Variants in OSBPL6 observed in about 807,000 individuals in gnomAD.
The protein encoded by OSBPL6 is oxysterol binding protein like 6, also known as oxysterol-binding protein-related protein 6.
Under a neutral mutation model 125.8 loss-of-function variants are expected in OSBPL6, and 49 were observed. The observed-to-expected ratio is 0.39, with a 90% confidence interval of 0.31 to 0.49. The LOEUF (loss-of-function observed/expected upper bound fraction) is 0.49. Ranked by LOEUF, OSBPL6 falls within the 20% of genes least tolerant of loss-of-function variation. The pLI, the probability that OSBPL6 is intolerant of heterozygous loss-of-function variation, is 0.88. For synonymous variants in OSBPL6, 394 were observed against 391.8 expected, an observed-to-expected ratio of 1.01 and a Z score of -0.07; for missense variants, 986 against 1,135.4, an observed-to-expected ratio of 0.87 and a Z score of 1.89.
At position 178,395,451 on chromosome 2, in the gene OSBPL6, A is replaced by C; in HGVS notation, c.2697A>C (p.Lys899Asn). ...AATGTTGATGTTTATATTTTCACAG[A>C]AAAGTTATTGATGCCAATCAAAGAG... ...NNLEHIPKFF[K>N]KVIDANQREA... Residue 899 changes from lysine (K) to asparagine (N), a missense_variant and splice_region_variant, in exon 25 of 25, where the codon AAA becomes AAC. Lys to Asn is a moderately conservative substitution (Grantham distance 94). Coordinates refer to ENST00000190611, the MANE Select transcript of OSBPL6 (RefSeq NM_032523.4). 1 of 1,610,624 alleles carries C rather than the reference A, an allele frequency of 6.2e-7. No individual in the cohort carries two copies. The highest frequency in any genetic ancestry group is 8.5e-7 in the Non-Finnish European group (1 of 1,177,384).
At chr2:178,235,737 A>G (rs1399093683) in intron 1 of OSBPL6, among the ~76,000 whole-genome samples, 1 of 152,206 alleles carries the variant, frequency 6.6e-6, no homozygotes, top group Non-Finnish European at 1.5e-5. Flanking sequence ...AAAAAGATGC[A>G]CAGTGCTTGA....
At chr2:178,212,304 G>A (rs2089898361) in intron 1 of OSBPL6, among the ~76,000 whole-genome samples, 1 of 152,182 alleles carries the variant, frequency 6.6e-6, no homozygotes, top group Non-Finnish European at 1.5e-5. Flanking sequence ...AGTTCTTTTA[G>A]TCACTGAGCC....
chr2:178,199,118 A>G (rs1216132182), intron 1 of OSBPL6, among the ~76,000 whole-genome samples: 2 of 152,246 alleles, frequency 1.3e-5, no homozygotes, highest in Non-Finnish European at 2.9e-5. Flanking sequence ...TGTTCAGTGC[A>G]TAAATACTAT....
At chr2:178,274,972 A>G (rs533304165) in intron 1 of OSBPL6, among the ~76,000 whole-genome samples, 3 of 151,846 alleles carry the variant, frequency 2.0e-5, no homozygotes, top group Non-Finnish European at 4.4e-5. Flanking sequence ...TCTGAAGCGC[A>G]CTCCTAGGTC....
At chr2:178,238,428 A>C (rs1257926993) in intron 1 of OSBPL6, among the ~76,000 whole-genome samples, 1 of 152,170 alleles carries the variant, frequency 6.6e-6, no homozygotes, top group Non-Finnish European at 1.5e-5. Flanking sequence ...TAATGGCCCC[A>C]AAGTGCAAGA....
intron 1 of OSBPL6, among the ~76,000 whole-genome samples, chr2:178,224,635 G>A: frequency 6.6e-6 from 1 of 152,190 alleles, no homozygotes; most frequent in East Asian, 1.9e-4. Context: ...AGAAACTAGT[G>A]TAGTTAAAGT....
At chr2:178,278,991 A>G (rs2092524528) in intron 1 of OSBPL6, among the ~76,000 whole-genome samples, 1 of 152,228 alleles carries the variant, frequency 6.6e-6, no homozygotes, top group Admixed American at 6.5e-5. Context: ...GAGCATTGAA[A>G]TAAAACCATG....
intron 1 of OSBPL6, among the ~76,000 whole-genome samples, chr2:178,224,961 CTCTG>C (rs1333793019): frequency 6.0e-5 from 9 of 151,236 alleles, no homozygotes; most frequent in African/African-American, 2.2e-4. Flanking sequence ...CTCTCTGTGT[CTCTG>C]TCTCTCTCTT....
intron 1 of OSBPL6, among the ~76,000 whole-genome samples, chr2:178,201,389 T>G (rs1165849339): frequency 6.6e-6 from 1 of 152,170 alleles, no homozygotes; most frequent in Non-Finnish European, 1.5e-5. Flanking sequence ...ATTTATTTAT[T>G]TATTTATTTG....
chr2:178,308,843 G>T (rs1482932613), intron 3 of OSBPL6, among the ~76,000 whole-genome samples: 1 of 151,904 alleles, frequency 6.6e-6, no homozygotes, highest in African/African-American at 2.4e-5. Flanking sequence ...CTCTACCCAG[G>T]ATCCTGCAGA....
At chr2:178,256,069 G>C (rs75575608) in intron 1 of OSBPL6, among the ~76,000 whole-genome samples, 95 of 152,270 alleles carry the variant, frequency 6.2e-4, no homozygotes, top group Non-Finnish European at 1.1e-3. Flanking sequence ...TGACTTAGTG[G>C]ACCACATGGA....
intron 1 of OSBPL6, among the ~76,000 whole-genome samples, chr2:178,198,930 A>C (rs2089075924): frequency 6.6e-6 from 1 of 152,246 alleles, no homozygotes; most frequent in Non-Finnish European, 1.5e-5. Flanking sequence ...AGTATTAAGC[A>C]TTCAAATAGA....
chr2:178,344,649 C>T (rs1213806424), intron 11 of OSBPL6, among the ~76,000 whole-genome samples: 7 of 142,824 alleles, frequency 4.9e-5, no homozygotes, highest in Non-Finnish European at 7.7e-5. Context: ...ATGATGTGAG[C>T]TTTCCTTAAA....
chr2:178,227,239 C>T (rs1469832139), intron 1 of OSBPL6, among the ~76,000 whole-genome samples: 1 of 152,150 alleles, frequency 6.6e-6, no homozygotes, highest in African/African-American at 2.4e-5. Flanking sequence ...GAGGGAAATG[C>T]AAGTCACTGC....
chr2:178,334,774 G>A (rs1486531627), intron 8 of OSBPL6, among the ~76,000 whole-genome samples: 1 of 152,072 alleles, frequency 6.6e-6, no homozygotes, highest in Admixed American at 6.6e-5. Context: ...TGCCCACCTC[G>A]GCCTCCCAAA....
At position 178,379,407 on chromosome 2, in the gene OSBPL6, G is replaced by GAAAGAAAGAGAAAGA. The variant is rs1421193863; in HGVS notation, c.1534-2996_1534-2982dup. On this transcript the variant is annotated intron_variant, in intron 15 of 24. Coordinates refer to ENST00000190611, the MANE Select transcript of OSBPL6 (RefSeq NM_032523.4). Reference sequence around the variant, plus strand: ...AGGAGAAAGGAGGCAGGGAGGGAGGGAAAGAAAGAGAAAGAAAAGAAAGAG... The same window carrying GAAAGAAAGAGAAAGA: ...AGGAGAAAGGAGGCAGGGAGGGAGGGAAAGAAAGAGAAAGAAAAGAAAGAGAAAGAAAAGAAAGAG... 1.7e-4 allele frequency among the ~76,000 whole-genome samples: 24 copies of GAAAGAAAGAGAAAGA among 139,322 alleles called. 1 individual carries two copies. In the South Asian group the frequency reaches 3.8e-3, roughly 22 times the overall value. The allele number at this position is 139,322 out of a possible 152,430, so 91.4% of individuals were successfully genotyped here.
chr2:178,354,300 TAA>T (rs1161262092), intron 12 of OSBPL6, among the ~76,000 whole-genome samples: 3 of 152,084 alleles, frequency 2.0e-5, no homozygotes, highest in Admixed American at 2.0e-4. Flanking sequence ...GCAAATTGGA[TAA>T]AGAGTCAAGA....
intron 8 of OSBPL6, among the ~76,000 whole-genome samples, chr2:178,333,348 A>AGG (rs1689398267): frequency 1.3e-5 from 2 of 152,158 alleles, no homozygotes; most frequent in South Asian, 4.1e-4. Context: ...TTGTGCCACT[A>AGG]CTGAATAGCC....
intron 8 of OSBPL6, among the ~76,000 whole-genome samples, chr2:178,336,082 C>G (rs1435433476): frequency 6.6e-6 from 1 of 152,196 alleles, no homozygotes; most frequent in Non-Finnish European, 1.5e-5. Flanking sequence ...AAATGTTGTC[C>G]TTCATTGAAT....
Sources: allele counts gnomAD v4.1 joint callset (sites outside exome capture counted in the v4.1 genomes callset), GRCh38; gene constraint gnomAD v4.1.1; transcripts MANE v1.5; gene names NCBI Gene and HGNC (gene_info 2026-07-23, HGNC 2026-07-21).